Variants in ZNF385B observed in about 807,000 individuals in gnomAD.
ZNF385B encodes the protein zinc finger protein 533.
A neutral mutation model predicts 39.2 loss-of-function variants in ZNF385B; 23 were observed. The observed-to-expected ratio is 0.59, with a 90% CI of 0.42 to 0.83. ZNF385B has a LOEUF of 0.83. Ranked by LOEUF, ZNF385B falls within the 40% of genes least tolerant of loss-of-function variation. The pLI is 0.00. For missense variants in ZNF385B, 552 were observed against 598.9 expected, an observed-to-expected ratio of 0.92 and a Z score of 0.82; for synonymous variants, 205 against 222.6, an observed-to-expected ratio of 0.92 and a Z score of 0.70.
intron 3 of ZNF385B, among the ~76,000 whole-genome samples, chr2:179,702,007 G>T (rs1699242503): frequency 6.6e-6 from 1 of 152,158 alleles, no homozygotes; most frequent in African/African-American, 2.4e-5. Context: ...GTTGTATCTA[G>T]CAGTGCCCAA....
intron 3 of ZNF385B, among the ~76,000 whole-genome samples, chr2:179,560,452 C>T (rs979803408): frequency 6.6e-6 from 1 of 152,174 alleles, no homozygotes; most frequent in African/African-American, 2.4e-5. Context: ...CTTGAGAAAG[C>T]ATGTTTCCAG....
intron 3 of ZNF385B, among the ~76,000 whole-genome samples, chr2:179,700,943 G>A (rs2106363944): frequency 6.6e-6 from 1 of 152,284 alleles, no homozygotes; most frequent in Non-Finnish European, 1.5e-5. Context: ...GACCGGGAAG[G>A]CGGAGCTTGC....
intron 4 of ZNF385B, among the ~76,000 whole-genome samples, chr2:179,536,981 A>C (rs2059603706): frequency 6.6e-6 from 1 of 152,196 alleles, no homozygotes; most frequent in Non-Finnish European, 1.5e-5. Context: ...AAGGCAAGGG[A>C]CATGAGTTAA....
At chr2:179,457,400 T>A (rs2105452310) in intron 6 of ZNF385B, among the ~76,000 whole-genome samples, 1 of 152,248 alleles carries the variant, frequency 6.6e-6, no homozygotes, top group African/African-American at 2.4e-5. Context: ...ATATACATAG[T>A]AGAATTATTG....
intron 3 of ZNF385B, among the ~76,000 whole-genome samples, chr2:179,589,080 C>T (rs1687341214): frequency 6.6e-6 from 1 of 152,176 alleles, no homozygotes; most frequent in East Asian, 1.9e-4. Flanking sequence ...AACTGGTACC[C>T]CATATCTTTT....
chr2:179,772,070 C>G (rs1418185356), intron 1 of ZNF385B, among the ~76,000 whole-genome samples: 1 of 152,160 alleles, frequency 6.6e-6, no homozygotes, highest in Non-Finnish European at 1.5e-5. Context: ...ACACAAGACA[C>G]ACATTATAAT....
At chr2:179,696,813 G>A (rs1204685743) in intron 3 of ZNF385B, among the ~76,000 whole-genome samples, 2 of 152,124 alleles carry the variant, frequency 1.3e-5, no homozygotes, top group East Asian at 3.9e-4. Flanking sequence ...GATATACTAG[G>A]TTTGGAAAGC....
intron 3 of ZNF385B, among the ~76,000 whole-genome samples, chr2:179,731,615 G>A (rs1701395888): frequency 6.6e-6 from 1 of 152,046 alleles, no homozygotes; most frequent in Non-Finnish European, 1.5e-5. Context: ...GTGGAGTGTG[G>A]GCATGGTATC....
chr2:179,526,315 C>T (rs947457482), intron 4 of ZNF385B, among the ~76,000 whole-genome samples: 4 of 151,998 alleles, frequency 2.6e-5, no homozygotes, highest in African/African-American at 7.2e-5. Context: ...TATGGCCAGG[C>T]GCGGTGGCTC....
intron 3 of ZNF385B, among the ~76,000 whole-genome samples, chr2:179,621,313 T>C (rs3106704): frequency 0.14 from 22,011 of 152,146 alleles, 2,011 homozygotes; most frequent in African/African-American, 0.25. Flanking sequence ...AGATAGGCTA[T>C]AGTCTAGGTC....
At chr2:179,791,383 G>A (rs1705317349) in intron 1 of ZNF385B, among the ~76,000 whole-genome samples, 1 of 152,138 alleles carries the variant, frequency 6.6e-6, no homozygotes, top group Admixed American at 6.6e-5. Flanking sequence ...GAGCTATACT[G>A]ACATCCTCAA....
At chr2:179,819,753 G>A (rs1707290943) in intron 1 of ZNF385B, among the ~76,000 whole-genome samples, 1 of 152,094 alleles carries the variant, frequency 6.6e-6, no homozygotes, top group Admixed American at 6.5e-5. Flanking sequence ...CTCCTTTCTG[G>A]GAGGATGGGG....
At chr2:179,652,911 T>C (rs567268280) in intron 3 of ZNF385B, among the ~76,000 whole-genome samples, 1 of 151,964 alleles carries the variant, frequency 6.6e-6, no homozygotes, top group East Asian at 1.9e-4. Flanking sequence ...TCTTAAAGTC[T>C]TAGTTTAGGC....
intron 3 of ZNF385B, among the ~76,000 whole-genome samples, chr2:179,750,315 T>C (rs936635732): frequency 6.6e-6 from 1 of 152,076 alleles, no homozygotes; most frequent in Non-Finnish European, 1.5e-5. Context: ...TCAGTCTCAA[T>C]TAAATTTATC....
intron 3 of ZNF385B, among the ~76,000 whole-genome samples, chr2:179,688,527 A>G (rs1359228041): frequency 2.0e-5 from 3 of 152,012 alleles, no homozygotes; most frequent in Non-Finnish European, 4.4e-5. Flanking sequence ...CAAAAACAGA[A>G]AGAAAGAAGA....
chr2:179,759,431 T>G (rs1402297877), intron 3 of ZNF385B, among the ~76,000 whole-genome samples: 1 of 152,210 alleles, frequency 6.6e-6, no homozygotes, highest in African/African-American at 2.4e-5. Flanking sequence ...CAGCTGTTTT[T>G]CCTGTACCTC....
intron 3 of ZNF385B, among the ~76,000 whole-genome samples, chr2:179,557,700 T>C (rs1249738296): frequency 6.6e-6 from 1 of 150,996 alleles, no homozygotes; most frequent in Non-Finnish European, 1.5e-5. Context: ...TATATGTATA[T>C]ATGTCATATA....
chr2:179,523,354 T>TTTG (rs376362046), intron 4 of ZNF385B, among the ~76,000 whole-genome samples: 43,204 of 146,504 alleles, frequency 0.29, 6,727 homozygotes, highest in East Asian at 0.37. Context: ...GTGCGTTTTT[T>TTTG]TTTTTTTTTT....
chr2:179,614,365 T>C (rs979668466), intron 3 of ZNF385B, among the ~76,000 whole-genome samples: 6 of 152,212 alleles, frequency 3.9e-5, no homozygotes, highest in African/African-American at 1.4e-4. Flanking sequence ...ATGTTGGAAG[T>C]GCTCTATAGA....
Sources: gnomAD v4.1 joint callset for allele counts (sites outside exome capture counted in the v4.1 genomes callset) on GRCh38, gnomAD v4.1.1 for gene constraint, MANE v1.5 for transcripts, NCBI Gene and HGNC (gene_info 2026-07-23, HGNC 2026-07-21) for gene names.